CHRNB4: variants seen among roughly 807,000 people sequenced by gnomAD.
CHRNB4 encodes neuronal acetylcholine receptor subunit beta-4.
In CHRNB4, 23 loss-of-function variants were observed where a neutral mutation model predicts 40.4. The observed-to-expected ratio is 0.57, with a 90% CI of 0.41 to 0.81. The LOEUF (loss-of-function observed/expected upper bound fraction) is 0.81, where lower values mean the gene tolerates loss of function less well. Among genes scored for constraint, CHRNB4 ranks in the 30% least tolerant of loss-of-function variants. CHRNB4 has a pLI of 0.00. For synonymous variants in CHRNB4, 285 were observed against 274.4 expected (o/e 1.04, Z -0.38); for missense variants, 568 against 670.6 (o/e 0.85, Z 1.69).
At chr15:78,656,655 A>T (rs967799598) in exon 4 of CHRNB4, 4 of 152,242 alleles carry the variant, frequency 2.6e-5, no homozygotes, top group Non-Finnish European at 5.9e-5. Flanking sequence ...TGCAGCACTC[A>T]TTGGCAAACG....
At chr15:78,640,825 G>A (rs1171004808) in intron 1 of CHRNB4, among the ~76,000 whole-genome samples, 3 of 152,202 alleles carry the variant, frequency 2.0e-5, no homozygotes, top group Admixed American at 6.5e-5. Context: ...TCGCCCTGGA[G>A]GGTGGCCCTG....
intron 1 of CHRNB4, among the ~76,000 whole-genome samples, chr15:78,639,193 T>C (rs2054019403): frequency 1.3e-5 from 2 of 152,226 alleles, no homozygotes; most frequent in Non-Finnish European, 2.9e-5. Flanking sequence ...AGAATCTTAT[T>C]GGAAAGATTA....
intron 5 of CHRNB4, among the ~76,000 whole-genome samples, chr15:78,628,488 T>G (rs1051891470): frequency 1.3e-5 from 2 of 152,238 alleles, no homozygotes; most frequent in South Asian, 4.1e-4. Flanking sequence ...CACAGGAGAG[T>G]TAAAGTCCTG....
At chr15:78,627,104 C>T (rs1486154267) in intron 5 of CHRNB4, 1 of 152,224 alleles carries the variant, frequency 6.6e-6, no homozygotes, top group Non-Finnish European at 1.5e-5. Context: ...CCACGTGGTT[C>T]TCACTTAGCC....
At chr15:78,632,096 C>A (rs1004389723) in intron 2 of CHRNB4, among the ~76,000 whole-genome samples, 3 of 152,218 alleles carry the variant, frequency 2.0e-5, no homozygotes, top group African/African-American at 7.2e-5. Context: ...CCCTGACCTA[C>A]ATAAAATAGC....
chr15:78,660,278 C>T (rs1049269168), intron 1 of CHRNB4, among the ~76,000 whole-genome samples: 1 of 152,082 alleles, frequency 6.6e-6, no homozygotes, highest in Non-Finnish European at 1.5e-5. Context: ...GGCACACTGC[C>T]TATGGGGTAG....
At chr15:78,650,529 A>T (rs2141408330) in intron 6 of CHRNB4, among the ~76,000 whole-genome samples, 1 of 152,274 alleles carries the variant, frequency 6.6e-6, no homozygotes, top group Admixed American at 6.5e-5. Context: ...CCCCAACCTG[A>T]ACTGCCTTTC....
At chr15:78,647,608 A>G (rs1358435152) in intron 7 of CHRNB4, among the ~76,000 whole-genome samples, 2 of 150,464 alleles carry the variant, frequency 1.3e-5, no homozygotes, top group East Asian at 3.9e-4. Flanking sequence ...GCACTTTGGG[A>G]GGCCAAGGCG....
At position 78,624,812 on chromosome 15, in the gene CHRNB4, C is replaced by A; in HGVS notation, c.*321G>T. ...AGAGAGATGGTGATGGAGAGGCAGG[C>A]CGGCACCATGCCTGAAGCATAGTAG... On this transcript the variant is annotated 3_prime_UTR_variant, in exon 6 of 6. Coordinates refer to ENST00000261751, the MANE Select transcript of CHRNB4 (RefSeq NM_000750.5). 1 of 649,644 alleles carries A rather than the reference C, an allele frequency of 1.5e-6. No individual in the cohort carries two copies. The highest frequency in any genetic ancestry group is 3.1e-5 in the Admixed American group (1 of 32,338). The allele number at this position is 649,644 out of a possible 1,614,324, so 40.2% of individuals were successfully genotyped here.
intron 1 of CHRNB4, among the ~76,000 whole-genome samples, chr15:78,637,969 C>G (rs2053989532): frequency 1.3e-5 from 2 of 152,224 alleles, no homozygotes; most frequent in Non-Finnish European, 2.9e-5. Flanking sequence ...CAGGCTAGAG[C>G]TGGGTCCCTC....
At chr15:78,657,841 C>T (rs982998688) in intron 2 of CHRNB4, among the ~76,000 whole-genome samples, 3 of 127,180 alleles carry the variant, frequency 2.4e-5, no homozygotes, top group Admixed American at 7.7e-5. Flanking sequence ...CCTGAGCCAC[C>T]GCGCCTGGCT....
chr15:78,627,772 C>T (rs1475973581), intron 5 of CHRNB4: 1 of 152,162 alleles, frequency 6.6e-6, no homozygotes. Context: ...TGACATTGTC[C>T]TTAGAAGTGT....
intron 5 of CHRNB4, among the ~76,000 whole-genome samples, chr15:78,654,374 G>A (rs543405137): frequency 9.3e-4 from 142 of 152,280 alleles, no homozygotes; most frequent in Non-Finnish European, 1.6e-3. Context: ...AACAATGACC[G>A]CAAAGAACAT....
At chr15:78,648,861 A>G (rs577203289) in intron 7 of CHRNB4, among the ~76,000 whole-genome samples, 1 of 151,820 alleles carries the variant, frequency 6.6e-6, no homozygotes, top group South Asian at 2.1e-4. Flanking sequence ...TCACTGCTGC[A>G]TCAACCTCCT....
Position 78,629,001 on chromosome 15 carries a change from G to T in CHRNB4, c.1304C>A (p.Ala435Asp), listed in dbSNP as rs56317523. Residue 435 changes from alanine (A) to aspartate (D), a missense_variant, in exon 5 of 6, where the codon GCC (alanine) becomes GAC (aspartate). Around this residue, in one of 4 missense-constraint regions of CHRNB4, gnomAD observed 242 missense variants for 274.9 expected, o/e 0.88. Coordinates refer to ENST00000261751, the MANE Select transcript of CHRNB4 (RefSeq NM_000750.5). This position sits in a 1 kb window ranked among gnomAD's most constrained non-coding sequence, Gnocchi z 6.8. ...QEALEGVSFI[A>D]QHMKNDDEDQ... ...TTCATCGTCATTCTTCATGTGCTGG[G>T]CGATGAAGCTGACACCTTCTAATGC... 5 of 1,614,128 alleles carry T rather than the reference G, an allele frequency of 3.1e-6. No individual in the cohort carries two copies. The highest frequency in any genetic ancestry group is 3.3e-5 in the Admixed American group (2 of 60,020).
intron 1 of CHRNB4, among the ~76,000 whole-genome samples, chr15:78,640,046 A>AT (rs1377072014): frequency 1.3e-5 from 2 of 152,022 alleles, no homozygotes; most frequent in East Asian, 3.8e-4. Flanking sequence ...ATATCTTTCC[A>AT]TTTTTTCAAT....
intron 4 of CHRNB4, among the ~76,000 whole-genome samples, chr15:78,630,522 A>G (rs974717879): frequency 6.6e-6 from 1 of 152,134 alleles, no homozygotes; most frequent in African/African-American, 2.4e-5. Flanking sequence ...TATTATCCCC[A>G]TTCTACAGAT....
In CHRNB4 at chr15:78,629,423, G is replaced by A. The variant is rs1332050381; in HGVS notation, c.882C>T (p.Leu294=). 3 of 1,614,158 alleles carry A rather than the reference G, an allele frequency of 1.9e-6. No individual in the cohort carries two copies. The highest frequency in any genetic ancestry group is 2.5e-6 in the Non-Finnish European group (3 of 1,180,032). ...TGGTGAACATGAGGTACTTGCCGATGAGAGGCACATCGAGGGAGGTGGGTG... is the reference window on the plus strand; with the variant it reads ...TGGTGAACATGAGGTACTTGCCGATAAGAGGCACATCGAGGGAGGTGGGTG... ...IVPPTSLDVP[L]IGKYLMFTMV... The change falls in exon 5 of 6, where the codon CTC becomes CTT. Residue 294 remains leucine, a synonymous_variant. Coordinates refer to ENST00000261751, the MANE Select transcript of CHRNB4 (RefSeq NM_000750.5). The surrounding 1 kb of genome is among the most constrained non-coding windows in gnomAD (Gnocchi z 6.8).
chr15:78,643,993 CAAAA>C (rs34477808), upstream of CHRNB4, among the ~76,000 whole-genome samples: 4,981 of 115,966 alleles, frequency 0.043, 293 homozygotes, highest in African/African-American at 0.14. Context: ...ACTAAAAATA[CAAAA>C]AAAAAAAAAA....
Sources: gnomAD v4.1 joint callset for allele counts (sites outside exome capture counted in the v4.1 genomes callset) on GRCh38, gnomAD v4.1.1 for gene constraint, gnomAD v4.1.1 regional missense constraint, Gnocchi (gnomAD v3.1) non-coding constraint, MANE v1.5 for transcripts, NCBI Gene and HGNC (gene_info 2026-07-23, HGNC 2026-07-21) for gene names.